Variants in ACACA observed in about 807,000 individuals in gnomAD.
The protein encoded by ACACA is acetyl-CoA carboxylase alpha, also known as acetyl-CoA carboxylase 1.
Under a neutral mutation model 296.1 loss-of-function variants are expected in ACACA, and 103 were observed. That is an observed-to-expected ratio of 0.35 (90% CI 0.30 to 0.41). The LOEUF (loss-of-function observed/expected upper bound fraction) is 0.41, where lower values mean the gene tolerates loss of function less well. ACACA is among the 10% of genes least tolerant of loss of function. ACACA has a pLI of 1.00. For missense variants in ACACA, 1,554 were observed against 2,989.7 expected, an observed-to-expected ratio of 0.52 and a Z score of 11.20; for synonymous variants, 953 against 1,038.6, an observed-to-expected ratio of 0.92 and a Z score of 1.58.
At position 37,243,575 on chromosome 17, in the gene ACACA, T is replaced by C; in HGVS notation, c.2743-16A>G. 1 of 1,612,686 alleles carries C rather than the reference T, an allele frequency of 6.2e-7. No homozygotes were observed. The highest frequency in any genetic ancestry group is 1.1e-5 in the South Asian group (1 of 91,024). On this transcript the variant is annotated splice_polypyrimidine_tract_variant and intron_variant, in intron 21 of 55. Coordinates refer to ENST00000616317, the MANE Select transcript of ACACA (RefSeq NM_198834.3). ...AGTCTTTTACCTAGAAAGAAAGCAT[T>C]GGTAAAATAGGACCCAAGTTAACAC...
intron 45 of ACACA, among the ~76,000 whole-genome samples, 189 bp downstream of exon 45, chr17:37,149,671 GAAAT>G (rs1405744537): frequency 6.6e-6 from 1 of 152,158 alleles, no homozygotes; most frequent in Non-Finnish European, 1.5e-5. Flanking sequence ...GTTGATAAAT[GAAAT>G]GAATGAATGA....
Position 37,219,621 on chromosome 17 carries a change from T to C in ACACA, c.3683+2103A>G, listed in dbSNP as rs147665264. Among the ~76,000 whole-genome samples the C allele has an allele frequency of 6.9e-3, 1,048 of 151,368 alleles. 7 individuals are homozygous for C. The highest frequency in any genetic ancestry group is 0.049 in the Middle Eastern group (14 of 288). On this transcript the variant is annotated intron_variant, in intron 29 of 55. Transcript: ENST00000616317. ...GCTGGTGTCATAATAAGGTTATAAA[T>C]CCAAATTTTAACAAAAACATTTGGG... is the stretch of plus-strand genomic sequence containing the variant.
chr17:37,366,471 C>CTTT (rs35706744), intron 1 of ACACA, among the ~76,000 whole-genome samples: 1 of 139,048 alleles, frequency 7.2e-6, no homozygotes, highest in Non-Finnish European at 1.6e-5. Context: ...AATGTCATGT[C>CTTT]TTTTTTTTTT....
chr17:37,206,843 G>A lies in ACACA; in HGVS notation c.3888C>T (p.Ser1296=), dbSNP rs1427225101. The part of the protein sequence containing the change: ...FDEVMGCFSD[S]PPQSPTFPEA... ...CAGGGAATGTGGGACTCTGGGGTGG[G>A]GAGTCAGAGAAGCAGCCCATCACTT... The change falls in exon 32 of 56, where the codon TCC becomes TCT. Residue 1296 remains serine, a synonymous_variant. Coordinates refer to ENST00000616317, the MANE Select transcript of ACACA (RefSeq NM_198834.3). 5 of 1,613,818 alleles carry A rather than the reference G, an allele frequency of 3.1e-6. No homozygotes were observed. The East Asian group carries it at 1.1e-4, about 36-fold the overall frequency.
intron 14 of ACACA, among the ~76,000 whole-genome samples, chr17:37,256,713 CA>C (rs1286160857): frequency 6.6e-6 from 1 of 152,082 alleles, no homozygotes; most frequent in Non-Finnish European, 1.5e-5. Flanking sequence ...GCCTGGGTGA[CA>C]GAGCAAGACT....
At chr17:37,291,058 G>T (rs1454663027) in intron 3 of ACACA, among the ~76,000 whole-genome samples, 1 of 135,150 alleles carries the variant, frequency 7.4e-6, no homozygotes, top group Non-Finnish European at 1.5e-5. Context: ...CTCCAGCCTG[G>T]CAACAGAGCA....
rs111721476 is a variant in ACACA at position 37,306,798 on chromosome 17, G to T, written c.339-21828C>A. 6.1e-3 allele frequency among the ~76,000 whole-genome samples: 934 copies of T among 152,032 alleles called. 10 individuals carry two copies. Among genetic ancestry groups the T allele is most frequent in the African/African-American group, 0.022 (901 of 41,458 alleles). ...CAACCTCTGCCTCCTGGGATCAAGGGATTCTCCTGCCTCAGCCTTCCAAGT... is the reference window on the plus strand; with the variant it reads ...CAACCTCTGCCTCCTGGGATCAAGGTATTCTCCTGCCTCAGCCTTCCAAGT... On this transcript the variant is annotated intron_variant, in intron 3 of 55. Transcript: ENST00000616317.
At chr17:37,096,254 G>T (rs2072985120) in intron 54 of ACACA, among the ~76,000 whole-genome samples, 1 of 152,120 alleles carries the variant, frequency 6.6e-6, no homozygotes. Context: ...TTTCCGACAG[G>T]CCTCAGGACA....
At position 37,220,519 on chromosome 17, in the gene ACACA, G is replaced by A. The variant is rs572487130; in HGVS notation, c.3683+1205C>T. ...TGCCTATGTGTGCCATGAGTACTTC[G>A]CCGCTCACTGAAGGACAACCATTCG... On this transcript the variant is annotated intron_variant, in intron 29 of 55. Coordinates refer to ENST00000616317, the MANE Select transcript of ACACA (RefSeq NM_198834.3). 2.6e-5 allele frequency among the ~76,000 whole-genome samples: 4 copies of A among 152,242 alleles called. No individual in the cohort carries two copies. In the East Asian group the frequency reaches 5.8e-4, roughly 22 times the overall value.
rs549660722 is a variant in ACACA at position 37,221,741 on chromosome 17, G to T, written c.3666C>A (p.Pro1222=). Residue 1222 remains proline, a synonymous_variant, in exon 29 of 56, where the codon CCC becomes CCA. Transcript: ENST00000616317. ...TCVVEFQFML[P]TSHPNRGNIP... The stretch of plus-strand genomic sequence containing the variant: ...AAACTCACCTGTTTGGATGAGATGT[G>T]GGCAGCATGAACTGGAATTCCACCA... 6.2e-7 allele frequency: 1 copy of T among 1,613,970 alleles called. No individual in the cohort carries two copies. The highest frequency in any genetic ancestry group is 1.1e-5 in the South Asian group (1 of 91,076).
rs540274715 is a variant in ACACA at position 37,179,356 on chromosome 17, A to G, written c.4983T>C (p.Ser1661=). ...TCAGCATGTCAGAAGGCAGAGGGGG[A>G]GATGGAAGAAATGCTTGAGTGGACA... The part of the protein sequence containing the change: ...ESMSTQAFLP[S]PPLPSDMLTY... Residue 1661 remains serine (S), a synonymous_variant, in exon 41 of 56, where the codon TCT becomes TCC. Coordinates refer to ENST00000616317, the MANE Select transcript of ACACA (RefSeq NM_198834.3). 7.2e-5 allele frequency: 116 copies of G among 1,614,138 alleles called. No individual in the cohort carries two copies. The Middle Eastern group carries it at 1.7e-3, about 23-fold the overall frequency.
At chr17:37,306,004 G>C (rs1404496937) in intron 3 of ACACA, among the ~76,000 whole-genome samples, 1 of 146,550 alleles carries the variant, frequency 6.8e-6, no homozygotes, top group Non-Finnish European at 1.5e-5. Context: ...CGCCTCCTGG[G>C]TTCACACCAT....
intron 1 of ACACA, among the ~76,000 whole-genome samples, chr17:37,379,908 A>G (rs1477463496): frequency 6.7e-6 from 1 of 148,810 alleles, no homozygotes; most frequent in African/African-American, 2.5e-5. Flanking sequence ...CATTTGACCC[A>G]GCCATCCCAT....
intron 11 of ACACA, among the ~76,000 whole-genome samples, chr17:37,260,314 T>TTG (rs2081450702): frequency 9.3e-6 from 1 of 107,994 alleles, no homozygotes. Flanking sequence ...TTTTTTTTTT[T>TTG]TTGGAGATGG....
chr17:37,125,552 T>G (rs937432389), intron 48 of ACACA, 146 bp downstream of exon 48: 19 of 797,004 alleles, frequency 2.4e-5, no homozygotes, highest in Non-Finnish European at 2.9e-5. Flanking sequence ...CTCCAATTAT[T>G]TTGCCTTGGG....
At chr17:37,231,042 G>T (rs945896459) in intron 25 of ACACA, among the ~76,000 whole-genome samples, 1 of 152,108 alleles carries the variant, frequency 6.6e-6, no homozygotes, top group Non-Finnish European at 1.5e-5. Context: ...GAAATAGTTC[G>T]AATTTGCAGA....
At chr17:37,087,754 A>C (rs1004462826) in intron 55 of ACACA, among the ~76,000 whole-genome samples, 3 of 152,268 alleles carry the variant, frequency 2.0e-5, no homozygotes, top group African/African-American at 7.2e-5. Flanking sequence ...ATTATAAATC[A>C]GTAAAAAATA....
intron 3 of ACACA, among the ~76,000 whole-genome samples, chr17:37,305,909 T>G (rs1036536281): frequency 0.03 from 4,286 of 143,800 alleles, 73 homozygotes; most frequent in Middle Eastern, 0.094. Context: ...TTTTTGTTTT[T>G]TTTTTTTTTT....
At position 37,243,575 on chromosome 17, in the gene ACACA, T is replaced by G; in HGVS notation, c.2743-16A>C. 1 of 1,612,686 alleles carries G rather than the reference T, an allele frequency of 6.2e-7. No homozygotes were observed. Among genetic ancestry groups the G allele is most frequent in the South Asian group, 1.1e-5 (1 of 91,024 alleles). ...AGTCTTTTACCTAGAAAGAAAGCATTGGTAAAATAGGACCCAAGTTAACAC... is the reference window on the plus strand; with the variant it reads ...AGTCTTTTACCTAGAAAGAAAGCATGGGTAAAATAGGACCCAAGTTAACAC... On this transcript the variant is annotated splice_polypyrimidine_tract_variant and intron_variant, in intron 21 of 55. Coordinates refer to ENST00000616317, the MANE Select transcript of ACACA (RefSeq NM_198834.3).
Sources: gnomAD v4.1 joint callset for allele counts (sites outside exome capture counted in the v4.1 genomes callset) on GRCh38, gnomAD v4.1.1 for gene constraint, MANE v1.5 for transcripts, NCBI Gene and HGNC (gene_info 2026-07-23, HGNC 2026-07-21) for gene names.